CLYBL: variants seen among roughly 807,000 people sequenced by gnomAD.
CLYBL encodes citramalyl-CoA lyase.
Under a neutral mutation model 38.9 loss-of-function variants are expected in CLYBL, and 31 were observed. The ratio of observed to expected loss-of-function variants is 0.80; its 90% CI spans 0.60 to 1.08. CLYBL has a LOEUF of 1.08. Ranked by LOEUF, CLYBL falls within the 50% of genes least tolerant of loss-of-function variation. The probability of loss-of-function intolerance (pLI) is 0.00; values close to 1 mark genes in which losing one functional copy is unlikely to be tolerated. For synonymous variants in CLYBL, 171 were observed against 158.6 expected (o/e 1.08, Z -0.59); for missense variants, 434 against 411.6 (o/e 1.05, Z -0.47).
At chr13:99,806,859 G>T (rs759347112) in intron 2 of CLYBL, among the ~76,000 whole-genome samples, 14 of 152,322 alleles carry the variant, frequency 9.2e-5, no homozygotes, top group South Asian at 2.1e-4. Flanking sequence ...TTTGTTCAGG[G>T]CAAGGCCTGC....
At position 99,869,223 on chromosome 13, in the gene CLYBL, T is replaced by C. The variant is rs1260544401; in HGVS notation, c.803-1715T>C. 1.3e-5 allele frequency among the ~76,000 whole-genome samples: 2 copies of C among 152,230 alleles called. No homozygotes were observed. Among genetic ancestry groups the C allele is most frequent in the Non-Finnish European group, 1.5e-5 (1 of 68,026 alleles). ...GTACTGGAGGATGGAGAGCTAGCAGTGATTTCACAGTATTTTAAGTAGTTT... is the reference window on the plus strand; with the variant it reads ...GTACTGGAGGATGGAGAGCTAGCAGCGATTTCACAGTATTTTAAGTAGTTT... On this transcript the variant is annotated intron_variant, in intron 6 of 8. Coordinates refer to ENST00000339105, the MANE Select transcript of CLYBL (RefSeq NM_206808.5). The surrounding 1 kb of genome is among the most constrained non-coding windows in gnomAD (Gnocchi z 4.3).
At chr13:99,785,545 C>G (rs191523589) in intron 2 of CLYBL, among the ~76,000 whole-genome samples, 3 of 151,758 alleles carry the variant, frequency 2.0e-5, no homozygotes, top group African/African-American at 7.2e-5. Flanking sequence ...GAGACAATCC[C>G]TTTTACCTGT....
chr13:99,870,115 G>A (rs943422440), intron 6 of CLYBL, among the ~76,000 whole-genome samples: 12 of 151,996 alleles, frequency 7.9e-5, no homozygotes, highest in African/African-American at 2.9e-4. Context: ...TATTTCTACA[G>A]AGATAAGATT....
chr13:99,862,729 G>A (rs1296683666), intron 3 of CLYBL, among the ~76,000 whole-genome samples: 2 of 152,148 alleles, frequency 1.3e-5, no homozygotes, highest in East Asian at 1.9e-4. Context: ...TCTCCTTCCA[G>A]TTCTAACTCC....
intron 1 of CLYBL, among the ~76,000 whole-genome samples, chr13:99,630,312 T>A (rs1280026272): frequency 2.0e-5 from 3 of 152,226 alleles, no homozygotes; most frequent in Non-Finnish European, 4.4e-5. Flanking sequence ...TCCTCTTTTC[T>A]GTTTATTCTG....
At chr13:99,767,253 C>T (rs1177075499) in intron 1 of CLYBL, among the ~76,000 whole-genome samples, 2 of 152,096 alleles carry the variant, frequency 1.3e-5, no homozygotes, top group African/African-American at 2.4e-5. Flanking sequence ...GGAACTGTCT[C>T]ATCTTCATAT....
intron 1 of CLYBL, among the ~76,000 whole-genome samples, chr13:99,747,257 C>G (rs1036462238): frequency 6.7e-6 from 1 of 148,472 alleles, no homozygotes; most frequent in Admixed American, 6.8e-5. Flanking sequence ...TCCTCCCCTC[C>G]TCCTTCGTTC....
At chr13:99,740,247 T>C (rs973687029) in intron 1 of CLYBL, among the ~76,000 whole-genome samples, 2 of 152,230 alleles carry the variant, frequency 1.3e-5, no homozygotes, top group African/African-American at 4.8e-5. Flanking sequence ...ATTTATGAAA[T>C]CATTTCCTCT....
intron 1 of CLYBL, among the ~76,000 whole-genome samples, chr13:99,768,662 C>T (rs2049322361): frequency 6.6e-6 from 1 of 151,908 alleles, no homozygotes; most frequent in African/African-American, 2.4e-5. Context: ...CAGGCATGTG[C>T]CACCACACCT....
At chr13:99,748,469 T>A (rs1327925803) in intron 1 of CLYBL, among the ~76,000 whole-genome samples, 2 of 123,676 alleles carry the variant, frequency 1.6e-5, no homozygotes, top group Non-Finnish European at 3.3e-5. Flanking sequence ...AGATGGAGTC[T>A]CACTCTGTCG....
intron 2 of CLYBL, among the ~76,000 whole-genome samples, chr13:99,851,425 C>T (rs536081434): frequency 2.5e-4 from 37 of 147,170 alleles, no homozygotes; most frequent in African/African-American, 9.3e-4. Flanking sequence ...GACAATGTTG[C>T]ATAAGTAATT....
chr13:99,664,803 C>T (rs556035246), intron 1 of CLYBL, among the ~76,000 whole-genome samples: 10 of 152,022 alleles, frequency 6.6e-5, no homozygotes, highest in African/African-American at 9.6e-5. Context: ...CCAAAAAAAC[C>T]GGGAAAATAA....
intron 1 of CLYBL, among the ~76,000 whole-genome samples, chr13:99,692,783 T>C (rs2047926894): frequency 6.6e-6 from 1 of 152,192 alleles, no homozygotes; most frequent in Non-Finnish European, 1.5e-5. Context: ...TCTAAATCTA[T>C]AGATTTGTCT....
At chr13:99,711,778 C>G (rs1050063387) in intron 1 of CLYBL, among the ~76,000 whole-genome samples, 1 of 149,264 alleles carries the variant, frequency 6.7e-6, no homozygotes, top group Non-Finnish European at 1.5e-5. Flanking sequence ...TCCAGTGGTG[C>G]CATCTTGGCT....
chr13:99,819,553 C>T (rs1363366806), intron 2 of CLYBL, among the ~76,000 whole-genome samples: 9 of 148,062 alleles, frequency 6.1e-5, no homozygotes, highest in South Asian at 2.2e-4. Flanking sequence ...AATTGGCTAA[C>T]GTGGTTAGGG....
At chr13:99,706,633 G>C (rs1288914010) in intron 1 of CLYBL, among the ~76,000 whole-genome samples, 1 of 152,102 alleles carries the variant, frequency 6.6e-6, no homozygotes, top group East Asian at 1.9e-4. Context: ...ATCACATATA[G>C]TCAAGTCCAA....
chr13:99,784,321 C>G (rs565155038), intron 2 of CLYBL, among the ~76,000 whole-genome samples: 26 of 152,086 alleles, frequency 1.7e-4, no homozygotes, highest in Non-Finnish European at 2.8e-4. Context: ...TTGCAGTGGT[C>G]TCAAGGCTTA....
chr13:99,729,618 G>A (rs935379370), intron 1 of CLYBL, among the ~76,000 whole-genome samples: 12 of 152,134 alleles, frequency 7.9e-5, no homozygotes, highest in African/African-American at 2.4e-4. Context: ...TGCGGAAAGC[G>A]CAGCCAGCCA....
At position 99,849,780 on chromosome 13, in the gene CLYBL, G is replaced by A. The variant is rs867710656; in HGVS notation, c.250-9081G>A. 2.2e-4 allele frequency among the ~76,000 whole-genome samples: 33 copies of A among 152,168 alleles called. No individual in the cohort carries two copies. Among genetic ancestry groups the A allele is most frequent in the African/African-American group, 6.5e-4 (27 of 41,440 alleles). The stretch of plus-strand genomic sequence containing the variant: ...GAGGAGGAAGAGAGGGGAAGGTGAC[G>A]GATAGGGCTATGGCAGCAGAGAGCC... On this transcript the variant is annotated intron_variant, in intron 2 of 8. Transcript: ENST00000339105. This position sits in a 1 kb window ranked among gnomAD's most constrained non-coding sequence, Gnocchi z 4.9.
Sources: gnomAD v4.1 joint callset for allele counts (sites outside exome capture counted in the v4.1 genomes callset) on GRCh38, gnomAD v4.1.1 for gene constraint, Gnocchi (gnomAD v3.1) non-coding constraint, MANE v1.5 for transcripts, NCBI Gene and HGNC (gene_info 2026-07-23, HGNC 2026-07-21) for gene names.